SCIN: variants seen among roughly 807,000 people sequenced by gnomAD.
SCIN encodes scinderin.
SCIN carries 91 observed loss-of-function variants against 91.8 expected under a neutral mutation model. That is an observed-to-expected ratio of 0.99 (90% CI 0.84 to 1.18). The LOEUF (loss-of-function observed/expected upper bound fraction) is 1.18. Ranked by LOEUF, SCIN falls within the 50% of genes most tolerant of loss-of-function variation. The pLI, the probability that SCIN is intolerant of heterozygous loss-of-function variation, is 0.00. For missense variants in SCIN, 1,087 were observed against 863.9 expected (o/e 1.26, Z -3.24); for synonymous variants, 367 against 312.6 (o/e 1.17, Z -1.84).
At chr7:12,608,592 C>G (rs1413328069) in intron 4 of SCIN, among the ~76,000 whole-genome samples, 1 of 152,070 alleles carries the variant, frequency 6.6e-6, no homozygotes, top group Non-Finnish European at 1.5e-5. Context: ...ATTCTCCTGC[C>G]TCAGCTTCCC....
At chr7:12,652,078 G>C (rs3736574) in intron 15 of SCIN, among the ~76,000 whole-genome samples, 177 bp downstream of exon 15, 35,003 of 152,026 alleles carry the variant, frequency 0.23, 4,417 homozygotes, top group Admixed American at 0.33. Context: ...ATTTCCAAAT[G>C]GGCACAAGAA....
At chr7:12,627,477 C>G (rs1217584348) in intron 8 of SCIN, among the ~76,000 whole-genome samples, 1 of 152,150 alleles carries the variant, frequency 6.6e-6, no homozygotes, top group Admixed American at 6.5e-5. Context: ...TGTTCATTTA[C>G]TGCCAGATTT....
At position 12,651,782 on chromosome 7, in the gene SCIN, G is replaced by A. The variant is rs1393105239; in HGVS notation, c.1960-59G>A. 4.6e-6 allele frequency: 5 copies of A among 1,085,890 alleles called. No homozygotes were observed. Among genetic ancestry groups the A allele is most frequent in the Middle Eastern group, 2.0e-4 (1 of 5,064 alleles). The allele number at this position is 1,085,890 out of a possible 1,614,324, so 67.3% of individuals were successfully genotyped here. A position where few individuals can be genotyped will look rare whatever the true frequency, so the allele number is the denominator to read the frequency against. The stretch of plus-strand genomic sequence containing the variant: ...GTGTGTGTGAAGCACTTTACATAGG[G>A]CCTAGCACTGAGTCAACATCCCAGA... On this transcript the variant is annotated intron_variant, in intron 14 of 15. Transcript: ENST00000297029. The surrounding 1 kb of genome is among the most constrained non-coding windows in gnomAD (Gnocchi z 5.9).
intron 2 of SCIN, among the ~76,000 whole-genome samples, chr7:12,580,718 C>G (rs553063157): frequency 6.6e-6 from 1 of 152,270 alleles, no homozygotes; most frequent in East Asian, 1.9e-4. Flanking sequence ...TTGCCTTGCT[C>G]ATTATTGATT....
At chr7:12,571,035 G>C in intron 1 of SCIN, 50 bp downstream of exon 1, 1 of 1,514,250 alleles carries the variant, frequency 6.6e-7, no homozygotes, top group Non-Finnish European at 8.9e-7. Context: ...CCGGCGAGGG[G>C]AGGGCGTAGG....
At chr7:12,645,173 G>T (rs535158268) in intron 13 of SCIN, among the ~76,000 whole-genome samples, 2 of 151,124 alleles carry the variant, frequency 1.3e-5, no homozygotes, top group Admixed American at 1.3e-4. Context: ...ACAAAAATTA[G>T]TCAGGCATGG....
At chr7:12,610,918 C>G (rs542006351) in intron 4 of SCIN, 1 of 152,320 alleles carries the variant, frequency 6.6e-6, no homozygotes, top group East Asian at 1.9e-4. Context: ...GTATCTAAAA[C>G]TCTTCATCTA....
chr7:12,635,949 G>A, intron 9 of SCIN, 96 bp from the exon 10 acceptor site: 1 of 873,566 alleles, frequency 1.1e-6, no homozygotes, highest in East Asian at 2.7e-5. Context: ...GCTTCTTCTT[G>A]ATCTTTCATA....
intron 10 of SCIN, among the ~76,000 whole-genome samples, chr7:12,637,919 A>G (rs1783784709): frequency 6.6e-6 from 1 of 152,206 alleles, no homozygotes; most frequent in Non-Finnish European, 1.5e-5. Flanking sequence ...TATTTATTAT[A>G]AAACTTTAAA....
intron 4 of SCIN, among the ~76,000 whole-genome samples, chr7:12,606,265 G>A (rs190547624): frequency 2.5e-3 from 385 of 152,154 alleles, no homozygotes; most frequent in Non-Finnish European, 4.5e-3. Flanking sequence ...GTGGTAGGTG[G>A]TATCTCTGAG....
At chr7:12,608,558 G>A (rs1783127917) in intron 4 of SCIN, among the ~76,000 whole-genome samples, 1 of 152,024 alleles carries the variant, frequency 6.6e-6, no homozygotes, top group Admixed American at 6.6e-5. Flanking sequence ...GCACACTGCA[G>A]CCTCTGCCTT....
chr7:12,632,216 C>G (rs538021210), intron 9 of SCIN, among the ~76,000 whole-genome samples: 2 of 151,416 alleles, frequency 1.3e-5, no homozygotes, highest in Admixed American at 1.3e-4. Context: ...TTGCAACCTC[C>G]GCCTCCCGGG....
chr7:12,644,065 A>C (rs1783906870), intron 11 of SCIN, 73 bp from the exon 12 acceptor site: 3 of 1,381,270 alleles, frequency 2.2e-6, no homozygotes, highest in Non-Finnish European at 3.0e-6. Context: ...CCACAGTCAC[A>C]GCTTCTGGGA....
intron 8 of SCIN, among the ~76,000 whole-genome samples, chr7:12,627,997 C>T (rs1371000321): frequency 6.6e-6 from 1 of 151,714 alleles, no homozygotes; most frequent in Non-Finnish European, 1.5e-5. Context: ...AAAGAGTCTG[C>T]CCTTCCCAAC....
chr7:12,645,867 C>A (rs1783956661), intron 13 of SCIN, among the ~76,000 whole-genome samples: 1 of 152,166 alleles, frequency 6.6e-6, no homozygotes, highest in African/African-American at 2.4e-5. Context: ...CTACTTTACA[C>A]CTGTGTGAGC....
At chr7:12,608,416 T>C (rs1404746430) in intron 4 of SCIN, among the ~76,000 whole-genome samples, 1 of 152,106 alleles carries the variant, frequency 6.6e-6, no homozygotes, top group Non-Finnish European at 1.5e-5. Flanking sequence ...ACAGTTGATT[T>C]TACTAGAGAT....
At chr7:12,625,635 G>T in intron 6 of SCIN, 127 bp from the exon 7 acceptor site, 1 of 721,474 alleles carries the variant, frequency 1.4e-6, no homozygotes. Flanking sequence ...GGCCAATTTT[G>T]CTATTCTTTC....
intron 4 of SCIN, among the ~76,000 whole-genome samples, chr7:12,621,398 G>C (rs189848353): frequency 1.3e-5 from 2 of 152,084 alleles, no homozygotes; most frequent in Non-Finnish European, 2.9e-5. Context: ...GCTAATATGG[G>C]AATTGTGGTC....
intron 4 of SCIN, among the ~76,000 whole-genome samples, chr7:12,610,621 C>CT (rs1783171276): frequency 6.6e-6 from 1 of 152,020 alleles, no homozygotes; most frequent in South Asian, 2.1e-4. Flanking sequence ...AAAAAATTCC[C>CT]TTATTTTAGG....
Sources: allele counts gnomAD v4.1 joint callset (sites outside exome capture counted in the v4.1 genomes callset), GRCh38; gene constraint gnomAD v4.1.1; non-coding constraint Gnocchi (gnomAD v3.1); transcripts MANE v1.5; gene names NCBI Gene and HGNC (gene_info 2026-07-23, HGNC 2026-07-21).